The following SATB2 variants were observed in gnomAD, a reference collection of about 807,000 sequenced individuals.
SATB2 encodes the protein DNA-binding protein SATB2.
Under a neutral mutation model 73.4 loss-of-function variants are expected in SATB2, and 1 was observed. That is an observed-to-expected ratio of 0.01 (90% CI 0.00 to 0.06). The LOEUF (loss-of-function observed/expected upper bound fraction) is 0.06, where lower values mean the gene tolerates loss of function less well. Ranked by LOEUF, SATB2 falls within the 10% of genes least tolerant of loss-of-function variation. SATB2 has a pLI of 1.00. For synonymous variants in SATB2, 397 were observed against 367.0 expected, an observed-to-expected ratio of 1.08 and a Z score of -0.93; for missense variants, 459 against 945.8, an observed-to-expected ratio of 0.49 and a Z score of 6.75.
intron 6 of SATB2, among the ~76,000 whole-genome samples, chr2:199,366,727 T>G (rs565600449): frequency 2.4e-4 from 37 of 151,136 alleles, no homozygotes; most frequent in Non-Finnish European, 4.6e-4. Flanking sequence ...CCTCTTCAGG[T>G]GTGGATCCTT....
intron 3 of SATB2, among the ~76,000 whole-genome samples, chr2:199,417,316 C>G (rs1447953484): frequency 6.6e-6 from 1 of 152,076 alleles, no homozygotes; most frequent in Non-Finnish European, 1.5e-5. Flanking sequence ...TCAAATTTTC[C>G]AGCATACAAA....
At chr2:199,423,697 A>G (rs1691240979) in intron 3 of SATB2, 1 of 152,104 alleles carries the variant, frequency 6.6e-6, no homozygotes, top group African/African-American at 2.4e-5. Flanking sequence ...ATGGCTCTGG[A>G]GCATAGATTC....
At position 199,308,937 on chromosome 2, in the gene SATB2, G is replaced by C; in HGVS notation, c.1563C>G (p.Leu521=). ...CTGGGCTTGGGTTCTCCTTCCAGCG[G>C]AGCAGTTCACACAGCCAGCCCTGTA... is the stretch of plus-strand genomic sequence containing the variant. ...NKSQGWLCEL[L]RWKENPSPEN... The change falls in exon 10 of 11, where the codon CTC becomes CTG. Residue 521 remains leucine (L), a synonymous_variant. Transcript: ENST00000417098. This position sits in a 1 kb window ranked among gnomAD's most constrained non-coding sequence, Gnocchi z 4.6. 1.2e-6 allele frequency: 2 copies of C among 1,614,110 alleles called. No homozygotes were observed. Among genetic ancestry groups the C allele is most frequent in the Non-Finnish European group, 1.7e-6 (2 of 1,179,996 alleles).
chr2:199,427,334 A>C (rs907617744), intron 3 of SATB2, among the ~76,000 whole-genome samples: 5 of 151,546 alleles, frequency 3.3e-5, no homozygotes, highest in African/African-American at 1.2e-4. Flanking sequence ...CATAGATTCA[A>C]AAAAAAAATT....
chr2:199,331,917 C>T (rs1456615699), intron 7 of SATB2, among the ~76,000 whole-genome samples: 2 of 151,910 alleles, frequency 1.3e-5, no homozygotes, highest in African/African-American at 2.4e-5. Flanking sequence ...TTTCTAAAGC[C>T]CTTGCCACTA....
chr2:199,368,787 C>A (rs1207113495), intron 5 of SATB2, 80 bp from the exon 6 acceptor site: 1 of 755,758 alleles, frequency 1.3e-6, no homozygotes, highest in Non-Finnish European at 2.3e-6. Flanking sequence ...TTATAACCTG[C>A]ACTAACCTCT....
chr2:199,375,673 G>A (rs114753834), intron 5 of SATB2, among the ~76,000 whole-genome samples: 30 of 152,298 alleles, frequency 2.0e-4, no homozygotes, highest in African/African-American at 7.0e-4. Context: ...GGGTAATAAG[G>A]AAGAATTATT....
chr2:199,434,085 G>C (rs182966450), intron 2 of SATB2, among the ~76,000 whole-genome samples: 1 of 152,084 alleles, frequency 6.6e-6, no homozygotes, highest in East Asian at 1.9e-4. Context: ...AAAGTCAATA[G>C]AAATTTAAAA....
upstream of SATB2, among the ~76,000 whole-genome samples, chr2:199,461,876 G>A (rs1692483442): frequency 6.6e-6 from 1 of 152,140 alleles, no homozygotes; most frequent in Non-Finnish European, 1.5e-5. Context: ...GACGTTTCTT[G>A]ATTTCTCTTT....
chr2:199,373,448 T>C (rs1181110132), intron 5 of SATB2, among the ~76,000 whole-genome samples: 1 of 152,152 alleles, frequency 6.6e-6, no homozygotes, highest in Non-Finnish European at 1.5e-5. Flanking sequence ...AGCTATAACA[T>C]CAGAATTGAA....
intron 7 of SATB2, chr2:199,348,380 CAA>C (rs1475685273): frequency 1.3e-5 from 3 of 223,098 alleles, no homozygotes; most frequent in African/African-American, 6.9e-5. Context: ...TCACAAAATT[CAA>C]GATCAGGGTT....
At chr2:199,347,578 A>G (rs1287489763) in intron 7 of SATB2, 1 of 152,122 alleles carries the variant, frequency 6.6e-6, no homozygotes, top group Non-Finnish European at 1.5e-5. Flanking sequence ...TTGCACCCAC[A>G]TAGAGCTTAG....
intron 3 of SATB2, among the ~76,000 whole-genome samples, chr2:199,400,455 G>A (rs1387103556): frequency 6.6e-6 from 1 of 152,192 alleles, no homozygotes; most frequent in Non-Finnish European, 1.5e-5. Context: ...TGCACTAGGT[G>A]TTGTGCCATC....
intron 7 of SATB2, among the ~76,000 whole-genome samples, chr2:199,331,142 G>C (rs1688177071): frequency 6.6e-6 from 1 of 151,652 alleles, no homozygotes; most frequent in African/African-American, 2.4e-5. Flanking sequence ...ATGGACCATG[G>C]CTCAAAATTA....
chr2:199,377,074 T>G (rs1008399400), intron 5 of SATB2, among the ~76,000 whole-genome samples: 3 of 152,156 alleles, frequency 2.0e-5, no homozygotes, highest in African/African-American at 7.2e-5. Flanking sequence ...TATGCCATTT[T>G]AAAAATATTT....
intron 3 of SATB2, among the ~76,000 whole-genome samples, chr2:199,417,779 T>C (rs544207339): frequency 6.6e-6 from 1 of 152,168 alleles, no homozygotes; most frequent in Non-Finnish European, 1.5e-5. Flanking sequence ...AATATTTAAG[T>C]ACTCTGAAGA....
intron 2 of SATB2, among the ~76,000 whole-genome samples, chr2:199,438,614 C>T (rs942613770): frequency 6.6e-6 from 1 of 152,164 alleles, no homozygotes; most frequent in African/African-American, 2.4e-5. Context: ...CTGAGGAATG[C>T]GTATTCTGGA....
intron 6 of SATB2, 142 bp downstream of exon 6, chr2:199,368,463 T>G: frequency 1.5e-6 from 1 of 650,290 alleles, no homozygotes; most frequent in East Asian, 2.8e-5. Context: ...AACTAGGATC[T>G]CATGACAGGA....
chr2:199,385,792 T>C (rs1163456370), intron 3 of SATB2, among the ~76,000 whole-genome samples: 5 of 152,170 alleles, frequency 3.3e-5, no homozygotes, highest in Middle Eastern at 3.2e-3. Flanking sequence ...GCACACTGTA[T>C]AGGTCAAAGG....
Sources: gnomAD v4.1 joint callset for allele counts (sites outside exome capture counted in the v4.1 genomes callset) on GRCh38, gnomAD v4.1.1 for gene constraint, Gnocchi (gnomAD v3.1) non-coding constraint, MANE v1.5 for transcripts, NCBI Gene and HGNC (gene_info 2026-07-23, HGNC 2026-07-21) for gene names.